WWOX: variants seen among roughly 807,000 people sequenced by gnomAD.
WWOX encodes WW domain containing oxidoreductase.
A neutral mutation model predicts 46.2 loss-of-function variants in WWOX; 69 were observed. The ratio of observed to expected loss-of-function variants is 1.49; its 90% CI spans 1.23 to 1.82. The LOEUF (loss-of-function observed/expected upper bound fraction) is 1.82. WWOX is among the 40% of genes most tolerant of loss of function. The probability of loss-of-function intolerance (pLI) is 0.00; values close to 1 mark genes in which losing one functional copy is unlikely to be tolerated. For synonymous variants in WWOX, 359 were observed against 202.6 expected, an observed-to-expected ratio of 1.77 and a Z score of -6.56; for missense variants, 919 against 542.6, an observed-to-expected ratio of 1.69 and a Z score of -6.89.
At chr16:78,599,651 T>C (rs929893990) in intron 8 of WWOX, among the ~76,000 whole-genome samples, 2 of 152,064 alleles carry the variant, frequency 1.3e-5, no homozygotes, top group Admixed American at 1.3e-4. Context: ...TGCTCCCGAG[T>C]CTCAGAGCGG....
chr16:78,439,542 G>T (rs1407875321), intron 8 of WWOX, among the ~76,000 whole-genome samples: 1 of 152,192 alleles, frequency 6.6e-6, no homozygotes, highest in Non-Finnish European at 1.5e-5. Context: ...GTGACCAATG[G>T]ATGTAAGTAA....
chr16:78,232,035 C>T (rs553044003), intron 5 of WWOX, among the ~76,000 whole-genome samples: 31 of 152,174 alleles, frequency 2.0e-4, no homozygotes, highest in Middle Eastern at 6.8e-3. Flanking sequence ...TCCTTTTTAT[C>T]ATTGTCTTTG....
At position 78,386,133 on chromosome 16, in the gene WWOX, C is replaced by G. The variant is rs985367035; in HGVS notation, c.517-727C>G. ...GTACTCAATTTCCTATCTCTGTGAT[C>G]TCTTGTAAGATGCTGCATTGTCAAA... On this transcript the variant is annotated intron_variant, in intron 5 of 8. Transcript: ENST00000566780. Among the ~76,000 whole-genome samples the G allele has an allele frequency of 2.0e-5, 3 of 152,196 alleles. No homozygotes were observed. In the South Asian group the frequency reaches 6.2e-4, roughly 32 times the overall value.
At chr16:78,754,550 T>C (rs1016978472) in intron 8 of WWOX, among the ~76,000 whole-genome samples, 12 of 152,162 alleles carry the variant, frequency 7.9e-5, no homozygotes, top group Admixed American at 5.9e-4. Flanking sequence ...TCCAAATAAA[T>C]GGTATTTATT....
chr16:78,181,841 T>A (rs1160901691), intron 5 of WWOX, among the ~76,000 whole-genome samples: 1 of 152,158 alleles, frequency 6.6e-6, no homozygotes, highest in Non-Finnish European at 1.5e-5. Flanking sequence ...AGAGATAGTA[T>A]ATATTTTAGA....
intron 8 of WWOX, among the ~76,000 whole-genome samples, chr16:78,823,321 C>A (rs80339615): frequency 5.9e-5 from 9 of 152,254 alleles, no homozygotes; most frequent in Non-Finnish European, 1.0e-4. Context: ...AGTTGATGAT[C>A]ACATTATTGT....
chr16:78,917,858 C>G (rs1320393704), intron 8 of WWOX, among the ~76,000 whole-genome samples: 1 of 152,070 alleles, frequency 6.6e-6, no homozygotes, highest in Non-Finnish European at 1.5e-5. Flanking sequence ...ATCAGAAATA[C>G]TGATATCCTA....
chr16:78,969,259 C>G (rs779818187), intron 8 of WWOX, among the ~76,000 whole-genome samples: 16 of 141,596 alleles, frequency 1.1e-4, no homozygotes, highest in Non-Finnish European at 9.4e-5. Flanking sequence ...CCTGCTCTCT[C>G]TCTCTCTCTC....
chr16:78,121,476 G>A (rs1158034085), intron 4 of WWOX, among the ~76,000 whole-genome samples: 1 of 152,108 alleles, frequency 6.6e-6, no homozygotes, highest in African/African-American at 2.4e-5. Context: ...TGGAAATCAC[G>A]TGATCAAAGT....
At chr16:78,818,562 C>T (rs371169948) in intron 8 of WWOX, among the ~76,000 whole-genome samples, 1 of 152,164 alleles carries the variant, frequency 6.6e-6, no homozygotes, top group Non-Finnish European at 1.5e-5. Flanking sequence ...GAGACCCAAT[C>T]TCTCCAAAAA....
At chr16:78,358,048 A>C (rs918778062) in intron 5 of WWOX, among the ~76,000 whole-genome samples, 1 of 152,230 alleles carries the variant, frequency 6.6e-6, no homozygotes, top group African/African-American at 2.4e-5. Flanking sequence ...CATATGCACG[A>C]GAACTTTTTC....
At chr16:78,594,667 G>A (rs374466397) in intron 8 of WWOX, among the ~76,000 whole-genome samples, 16 of 152,086 alleles carry the variant, frequency 1.1e-4, no homozygotes, top group African/African-American at 3.9e-4. Context: ...TCAGGGCAGC[G>A]TGGGACCTCA....
intron 8 of WWOX, among the ~76,000 whole-genome samples, chr16:79,095,797 C>G (rs2049055685): frequency 6.6e-6 from 1 of 151,774 alleles, no homozygotes; most frequent in South Asian, 2.1e-4. Flanking sequence ...CGACTTCACC[C>G]TTGCATACTC....
rs142176597 is a variant in WWOX, at chr16:79,078,436, A to G, written c.1057-133172A>G. Among the ~76,000 whole-genome samples, 915 of 152,214 alleles carry G rather than the reference A, an allele frequency of 6.0e-3. 1 individual carries two copies. Among genetic ancestry groups the G allele is most frequent in the Non-Finnish European group, 9.6e-3 (654 of 68,008 alleles). On this transcript the variant is annotated intron_variant, in intron 8 of 8. Coordinates refer to ENST00000566780, the MANE Select transcript of WWOX (RefSeq NM_016373.4). ...AGGAGAAAGTGTCCTGTGTGTGGAGATGGCAGGGTGGCTGGAGTTGAGAGG... is the reference window on the plus strand; with the variant it reads ...AGGAGAAAGTGTCCTGTGTGTGGAGGTGGCAGGGTGGCTGGAGTTGAGAGG...
intron 8 of WWOX, among the ~76,000 whole-genome samples, chr16:78,865,185 G>A (rs529949328): frequency 5.9e-5 from 9 of 152,260 alleles, no homozygotes; most frequent in African/African-American, 2.2e-4. Flanking sequence ...GTATGTTTGT[G>A]CGATGGATAT....
chr16:78,415,713 G>A (rs892327019), intron 6 of WWOX, among the ~76,000 whole-genome samples: 7 of 152,124 alleles, frequency 4.6e-5, no homozygotes, highest in African/African-American at 1.4e-4. Context: ...GGAAGGAGCT[G>A]GTCCCTTTGC....
chr16:78,904,492 C>G (rs940556454), intron 8 of WWOX, among the ~76,000 whole-genome samples: 1 of 152,026 alleles, frequency 6.6e-6, no homozygotes, highest in African/African-American at 2.4e-5. Flanking sequence ...CTGCCCCAGC[C>G]TCCCAAAGTG....
rs1004569849 is a variant in WWOX, at chr16:78,216,705, C to G, written c.516+52416C>G. Among the ~76,000 whole-genome samples, 3 of 151,642 alleles carry G rather than the reference C, an allele frequency of 2.0e-5. 1 individual carries two copies. The highest frequency in any genetic ancestry group is 1.3e-4 in the Admixed American group (2 of 15,206). On this transcript the variant is annotated intron_variant, in intron 5 of 8. Transcript: ENST00000566780. ...ATCTTTGTGATTTCATTTGGCCCAC[C>G]TAGATAACCAGGGTCCTCTCCCTAT...
chr16:79,023,922 C>T (rs996620574), intron 8 of WWOX, among the ~76,000 whole-genome samples: 4 of 151,766 alleles, frequency 2.6e-5, no homozygotes, highest in Non-Finnish European at 4.4e-5. Context: ...TGCCACTGCA[C>T]TCCAGCCTGG....
Sources: gnomAD v4.1 joint callset for allele counts (sites outside exome capture counted in the v4.1 genomes callset) on GRCh38, gnomAD v4.1.1 for gene constraint, MANE v1.5 for transcripts, NCBI Gene and HGNC (gene_info 2026-07-23, HGNC 2026-07-21) for gene names.